The following UNC80 variants were observed in gnomAD, a reference collection of about 807,000 sequenced individuals.
The protein encoded by UNC80 is unc-80 subunit of NALCN channel complex, also known as protein unc-80 homolog.
Under a neutral mutation model 384.6 loss-of-function variants are expected in UNC80, and 164 were observed. That is an observed-to-expected ratio of 0.43 (90% CI 0.38 to 0.49). UNC80 has a LOEUF of 0.49. Ranked by LOEUF, UNC80 falls within the 20% of genes least tolerant of loss-of-function variation. The probability of loss-of-function intolerance (pLI) is 0.00; values close to 1 mark genes in which losing one functional copy is unlikely to be tolerated. For synonymous variants in UNC80, 1,486 were observed against 1,527.8 expected (o/e 0.97, Z 0.64); for missense variants, 3,330 against 4,143.0 (o/e 0.80, Z 5.39).
Position 209,969,881 on chromosome 2 carries a change from G to A in UNC80, c.8120G>A (p.Cys2707Tyr), listed in dbSNP as rs1192786575. 2 of 1,551,650 alleles carry A rather than the reference G, an allele frequency of 1.3e-6. No homozygotes were observed. Among genetic ancestry groups the A allele is most frequent in the East Asian group, 2.4e-5 (1 of 40,932 alleles). ...CACCTTAGGTCACTGATCAATGTCTGTGTCAATCTGGTGAGTAGCCAAGTG... is the reference window on the plus strand; with the variant it reads ...CACCTTAGGTCACTGATCAATGTCTATGTCAATCTGGTGAGTAGCCAAGTG... Reference protein sequence around the residue: ...LPHLRSLINVCVNLVMGVVGP... With the variant: ...LPHLRSLINVYVNLVMGVVGP... The change falls in exon 53 of 65, where the codon TGT (cysteine) becomes TAT (tyrosine). Residue 2707 changes from cysteine (C) to tyrosine (Y), a missense_variant. Transcript: ENST00000673920.
chr2:209,826,919 T>C (rs993185420), intron 14 of UNC80, among the ~76,000 whole-genome samples: 4 of 152,164 alleles, frequency 2.6e-5, no homozygotes, highest in African/African-American at 7.2e-5. Flanking sequence ...TTCCTTGATA[T>C]TAGGTTTTGT....
At chr2:209,878,729 A>G (rs969524222) in intron 24 of UNC80, among the ~76,000 whole-genome samples, 3 of 152,232 alleles carry the variant, frequency 2.0e-5, no homozygotes, top group African/African-American at 7.2e-5. Context: ...CGTGTGTTCT[A>G]TACCATACAA....
At chr2:209,905,723 A>G (rs781768031) in intron 29 of UNC80, among the ~76,000 whole-genome samples, 1 of 152,230 alleles carries the variant, frequency 6.6e-6, no homozygotes, top group Admixed American at 6.5e-5. Context: ...ACAGCCAAGT[A>G]AAAGAGTCAT....
chr2:209,808,415 T>C (rs2079050539), intron 7 of UNC80, among the ~76,000 whole-genome samples: 1 of 151,560 alleles, frequency 6.6e-6, no homozygotes, highest in African/African-American at 2.4e-5. Context: ...ATACAAAAAT[T>C]AGCCAGGCGT....
intron 59 of UNC80, 85 bp from the exon 60 acceptor site, chr2:209,982,094 G>A: frequency 1.4e-6 from 2 of 1,408,112 alleles, no homozygotes; most frequent in Non-Finnish European, 9.6e-7. Context: ...CACAAGCCAA[G>A]GACAGAACCC....
chr2:209,984,900 G>T lies in UNC80; in HGVS notation c.9302G>T (p.Gly3101Val). Residue 3101 changes from glycine to valine, a missense_variant, in exon 61 of 65, where the codon GGC becomes GTC. Transcript: ENST00000673920. ...GACTCCCAGGGCCTGGCCGCCGAGG[G>T]CAGCCTCTCTAGGTACAGTGTCAAT... ...LDDSQGLAAE[G>V]SLSRVASIQS... 1 of 1,550,716 alleles carries T rather than the reference G, an allele frequency of 6.4e-7. No individual in the cohort carries two copies. Among genetic ancestry groups the T allele is most frequent in the Middle Eastern group, 1.7e-4 (1 of 5,986 alleles).
At chr2:209,833,245 C>T (rs1248608562) in intron 16 of UNC80, among the ~76,000 whole-genome samples, 1 of 141,468 alleles carries the variant, frequency 7.1e-6, no homozygotes, top group Non-Finnish European at 1.5e-5. Flanking sequence ...TAGGCTTCTG[C>T]ATTCTGCCTT....
At chr2:209,993,459 A>G (rs1218416207) in intron 63 of UNC80, 33 bp downstream of exon 63, 1 of 1,523,792 alleles carries the variant, frequency 6.6e-7, no homozygotes, top group Non-Finnish European at 8.9e-7. Context: ...TGACTATACC[A>G]TTGACATGAT....
At chr2:209,914,560 CA>C (rs2089300014) in intron 31 of UNC80, among the ~76,000 whole-genome samples, 1 of 145,158 alleles carries the variant, frequency 6.9e-6, no homozygotes, top group African/African-American at 2.6e-5. Flanking sequence ...CCCCTCTCCC[CA>C]TCCCCCAGCC....
chr2:209,838,297 T>C (rs1559173887), intron 18 of UNC80, among the ~76,000 whole-genome samples: 1 of 141,786 alleles, frequency 7.1e-6, no homozygotes. Context: ...CCTTAATCAC[T>C]GCTAATTTAT....
Position 209,824,369 on chromosome 2 carries a change from G to T in UNC80, c.2332-1538G>T, listed in dbSNP as rs969132366. Among the ~76,000 whole-genome samples the T allele has an allele frequency of 3.3e-5, 5 of 152,140 alleles. No homozygotes were observed. In the South Asian group the frequency reaches 1.0e-3, roughly 31 times the overall value. ...TGTTAGGTATGAAGAAGCAGCATGG[G>T]GCATAGGGAGAAATTGAACTGCAGT... On this transcript the variant is annotated intron_variant, in intron 13 of 64. Transcript: ENST00000673920.
chr2:209,918,092 TAACA>T, intron 32 of UNC80, 134 bp downstream of exon 32: 1 of 835,260 alleles, frequency 1.2e-6, no homozygotes, highest in Non-Finnish European at 1.8e-6. Flanking sequence ...TAAGTAAACC[TAACA>T]TACATGAATG....
chr2:209,985,393 G>A (rs1361351088), intron 61 of UNC80, among the ~76,000 whole-genome samples: 1 of 152,118 alleles, frequency 6.6e-6, no homozygotes, highest in Admixed American at 6.6e-5. Context: ...TAGTAATGTG[G>A]ATACAATTTA....
chr2:209,954,279 A>C lies in UNC80; in HGVS notation c.7457+9A>C. 6.8e-7 allele frequency: 1 copy of C among 1,470,380 alleles called. No individual in the cohort carries two copies. The highest frequency in any genetic ancestry group is 9.0e-7 in the Non-Finnish European group (1 of 1,106,806). The allele number at this position is 1,470,380 out of a possible 1,614,324, so 91.1% of individuals were successfully genotyped here. On this transcript the variant is annotated intron_variant, in intron 48 of 64. Coordinates refer to ENST00000673920, the MANE Select transcript of UNC80 (RefSeq NM_001371986.1). The stretch of plus-strand genomic sequence containing the variant: ...GTAGAGGTCCTCACCAGGTAATCCC[A>C]TTGGCAGAAATAGCTACAGCCTTAC...
intron 47 of UNC80, among the ~76,000 whole-genome samples, chr2:209,947,191 G>A (rs774110219): frequency 6.6e-6 from 1 of 152,112 alleles, no homozygotes; most frequent in African/African-American, 2.4e-5. Flanking sequence ...CCTGCATTAA[G>A]TTAACTCCAA....
intron 13 of UNC80, 47 bp downstream of exon 13, chr2:209,820,726 T>A (rs1189723317): frequency 6.8e-7 from 1 of 1,466,246 alleles, no homozygotes. Flanking sequence ...TCATACCTAA[T>A]TTCTTTCTAA....
intron 28 of UNC80, among the ~76,000 whole-genome samples, chr2:209,900,238 A>G (rs1163453879): frequency 1.3e-5 from 2 of 151,662 alleles, no homozygotes; most frequent in African/African-American, 4.8e-5. Context: ...TTTTTTACAG[A>G]CTATAGGTTT....
rs1334810169 is a variant in UNC80, at chr2:209,928,071, C to T, written c.5806+1085C>T. On this transcript the variant is annotated intron_variant, in intron 36 of 64. Coordinates refer to ENST00000673920, the MANE Select transcript of UNC80 (RefSeq NM_001371986.1). ...TGTAAGTAGACTGGGCACGGTGGCT[C>T]ATGCTTGTAATCCCAGCACTTTGGA... Among the ~76,000 whole-genome samples the T allele has an allele frequency of 3.3e-5, 5 of 152,132 alleles. No homozygotes were observed. The South Asian group carries it at 8.3e-4, about 25-fold the overall frequency.
At chr2:209,916,357 C>A (rs1195640286) in intron 31 of UNC80, among the ~76,000 whole-genome samples, 4 of 152,146 alleles carry the variant, frequency 2.6e-5, no homozygotes, top group Non-Finnish European at 4.4e-5. Context: ...GAAAATAATT[C>A]TTCAAGGAGA....
Sources: allele counts gnomAD v4.1 joint callset (sites outside exome capture counted in the v4.1 genomes callset), GRCh38; gene constraint gnomAD v4.1.1; transcripts MANE v1.5; gene names NCBI Gene and HGNC (gene_info 2026-07-23, HGNC 2026-07-21).